ETV6: variants seen among roughly 807,000 people sequenced by gnomAD.
The protein encoded by ETV6 is ETS variant transcription factor 6.
ETV6 carries 16 observed loss-of-function variants against 51.1 expected under a neutral mutation model. The observed-to-expected ratio is 0.31, with a 90% CI of 0.21 to 0.48. The LOEUF is 0.48. ETV6 is among the 20% of genes least tolerant of loss of function. The pLI is 0.99. For synonymous variants in ETV6, 240 were observed against 224.1 expected (o/e 1.07, Z -0.64); for missense variants, 458 against 594.8 (o/e 0.77, Z 2.39).
chr12:11,740,131 C>T (rs763446038), intron 1 of ETV6, among the ~76,000 whole-genome samples: 12 of 152,194 alleles, frequency 7.9e-5, no homozygotes, highest in East Asian at 5.8e-4. Context: ...GTGCGTAGTA[C>T]GAATTTGTGC....
At chr12:11,825,748 T>A (rs368198823) in intron 2 of ETV6, 3 of 152,186 alleles carry the variant, frequency 2.0e-5, no homozygotes, top group African/African-American at 7.2e-5. Flanking sequence ...ATTTCGTTGT[T>A]TCATTTTATT....
At position 11,650,089 on chromosome 12, in the gene ETV6, A is replaced by G; in HGVS notation, c.-39A>G. 1 of 1,608,884 alleles carries G rather than the reference A, an allele frequency of 6.2e-7. No homozygotes were observed. The highest frequency in any genetic ancestry group is 8.5e-7 in the Non-Finnish European group (1 of 1,175,424). On this transcript the variant is annotated 5_prime_UTR_variant, in exon 1 of 8. Transcript: ENST00000396373. ...GTTGGGGAGAGGAAAGGAAAGTGGA[A>G]AAAACCTGAGAACTTCCTGATCTCT...
chr12:11,831,186 A>T (rs1247832804), intron 2 of ETV6, among the ~76,000 whole-genome samples: 1 of 151,976 alleles, frequency 6.6e-6, no homozygotes, highest in Non-Finnish European at 1.5e-5. Flanking sequence ...ATTTTTAAAT[A>T]GTTTGTGTGT....
chr12:11,871,337 C>T (rs149563109), intron 5 of ETV6, among the ~76,000 whole-genome samples: 35 of 152,018 alleles, frequency 2.3e-4, no homozygotes, highest in African/African-American at 7.2e-4. Flanking sequence ...TACAGGCGCC[C>T]GCCACCATGC....
At chr12:11,739,808 C>T (rs1040626859) in intron 1 of ETV6, among the ~76,000 whole-genome samples, 11 of 152,150 alleles carry the variant, frequency 7.2e-5, no homozygotes, top group Admixed American at 2.0e-4. Flanking sequence ...GTTAAATTAC[C>T]TATGGGGCTC....
intron 1 of ETV6, among the ~76,000 whole-genome samples, chr12:11,709,072 TCC>T (rs967548258): frequency 6.6e-6 from 1 of 151,988 alleles, no homozygotes; most frequent in Non-Finnish European, 1.5e-5. Context: ...CTTGATTCGT[TCC>T]CCACCCCCCA....
intron 1 of ETV6, among the ~76,000 whole-genome samples, chr12:11,735,039 C>T (rs1022992827): frequency 7.0e-5 from 10 of 141,944 alleles, no homozygotes; most frequent in South Asian, 2.3e-4. Context: ...AAAATGTCTT[C>T]GTAATTTATG....
At position 11,869,347 on chromosome 12, in the gene ETV6, C is replaced by T. The variant is rs1339231359; in HGVS notation, c.464-77C>T. 1.3e-5 allele frequency: 17 copies of T among 1,342,462 alleles called. No homozygotes were observed. Among genetic ancestry groups the T allele is most frequent in the African/African-American group, 2.9e-5 (2 of 68,832 alleles). 83.2% of individuals were successfully genotyped at this position (1,342,462 alleles called of 1,614,324 possible). A position where few individuals can be genotyped will look rare whatever the true frequency, so the allele number is the denominator to read the frequency against. On this transcript the variant is annotated intron_variant, in intron 4 of 7. Coordinates refer to ENST00000396373, the MANE Select transcript of ETV6 (RefSeq NM_001987.5). The surrounding 1 kb of genome is among the most constrained non-coding windows in gnomAD (Gnocchi z 5.0). ...CATACCTACACGCTCCTCCATTTAC[C>T]GCCTGTAGAGCCGCAGGGAGTTTCC...
At chr12:11,689,585 C>T (rs1410829283) in intron 1 of ETV6, among the ~76,000 whole-genome samples, 1 of 151,024 alleles carries the variant, frequency 6.6e-6, no homozygotes, top group Admixed American at 6.6e-5. Flanking sequence ...ATTTGCTATT[C>T]TGGTTCCAAC....
chr12:11,877,347 C>G (rs1947006151), intron 5 of ETV6, among the ~76,000 whole-genome samples: 1 of 151,184 alleles, frequency 6.6e-6, no homozygotes, highest in African/African-American at 2.4e-5. Flanking sequence ...CAGGAGCAGC[C>G]TTGACAGCTA....
intron 2 of ETV6, among the ~76,000 whole-genome samples, chr12:11,824,530 G>T (rs1163022175): frequency 6.6e-6 from 1 of 152,178 alleles, no homozygotes; most frequent in Admixed American, 6.5e-5. Flanking sequence ...TATAATCCCA[G>T]TACTTTGGGA....
intron 2 of ETV6, among the ~76,000 whole-genome samples, chr12:11,780,387 T>C (rs1382660140): frequency 1.3e-5 from 2 of 152,182 alleles, no homozygotes; most frequent in Non-Finnish European, 2.9e-5. Flanking sequence ...CATTCTGTGG[T>C]GTAACACTTT....
chr12:11,788,902 T>A (rs773051246), intron 2 of ETV6, among the ~76,000 whole-genome samples: 1 of 152,136 alleles, frequency 6.6e-6, no homozygotes, highest in African/African-American at 2.4e-5. Context: ...ATTTAGTGTT[T>A]ACATATTAAG....
At chr12:11,676,346 T>G (rs1336482343) in intron 1 of ETV6, among the ~76,000 whole-genome samples, 2 of 152,184 alleles carry the variant, frequency 1.3e-5, no homozygotes, top group Admixed American at 6.5e-5. Context: ...GATCATCCTG[T>G]TTTCCTAGAC....
At chr12:11,738,193 G>A (rs1465762729) in intron 1 of ETV6, among the ~76,000 whole-genome samples, 1 of 151,044 alleles carries the variant, frequency 6.6e-6, no homozygotes, top group Non-Finnish European at 1.5e-5. Context: ...TTGCTTGCTT[G>A]CTTGCTTTCT....
At chr12:11,699,843 C>T (rs1420821700) in intron 1 of ETV6, among the ~76,000 whole-genome samples, 1 of 152,158 alleles carries the variant, frequency 6.6e-6, no homozygotes, top group Non-Finnish European at 1.5e-5. Context: ...AGGGAGGATG[C>T]AAAGGTGCAA....
chr12:11,884,701 A>T, intron 6 of ETV6, 114 bp downstream of exon 6: 3 of 1,318,952 alleles, frequency 2.3e-6, no homozygotes, highest in Non-Finnish European at 3.1e-6. Flanking sequence ...ATACTTATTT[A>T]GTTTATTCCT....
At position 11,859,201 on chromosome 12, in the gene ETV6, G is replaced by A. The variant is rs11829744; in HGVS notation, c.463+5640G>A. 7.4e-3 allele frequency among the ~76,000 whole-genome samples: 965 copies of A among 131,284 alleles called. 17 individuals carry two copies. Among genetic ancestry groups the A allele is most frequent in the African/African-American group, 0.027 (919 of 33,666 alleles). The allele number at this position is 131,284 out of a possible 152,430, so 86.1% of individuals were successfully genotyped here. ...CTGTCGCCCAGGCTGGAGTGCAGTG[G>A]TGCGATCTCGGTTCACTGCAAGCTC... On this transcript the variant is annotated intron_variant, in intron 4 of 7. Transcript: ENST00000396373.
chr12:11,828,016 C>G (rs577132696), intron 2 of ETV6, among the ~76,000 whole-genome samples: 2 of 152,306 alleles, frequency 1.3e-5, no homozygotes, highest in Non-Finnish European at 2.9e-5. Flanking sequence ...TTCGATTTCT[C>G]AATAAATCTG....
Sources: gnomAD v4.1 joint callset for allele counts (sites outside exome capture counted in the v4.1 genomes callset) on GRCh38, gnomAD v4.1.1 for gene constraint, Gnocchi (gnomAD v3.1) non-coding constraint, MANE v1.5 for transcripts, NCBI Gene and HGNC (gene_info 2026-07-23, HGNC 2026-07-21) for gene names.